Variants in SGCG observed in about 807,000 individuals in gnomAD.
SGCG encodes gamma-sarcoglycan.
In SGCG, 26 loss-of-function variants were observed where a neutral mutation model predicts 29.3. The observed-to-expected ratio is 0.89, with a 90% CI of 0.65 to 1.23. The LOEUF (loss-of-function observed/expected upper bound fraction) is 1.23. Ranked by LOEUF, SGCG falls within the 50% of genes most tolerant of loss-of-function variation. SGCG has a pLI of 0.00. For missense variants in SGCG, 353 were observed against 356.0 expected (o/e 0.99, Z 0.07); for synonymous variants, 145 against 129.7 (o/e 1.12, Z -0.80).
the SGCG span, among the ~76,000 whole-genome samples, chr13:23,168,745 A>G: frequency 2.6e-5 from 4 of 152,252 alleles, no homozygotes; most frequent in Admixed American, 1.3e-4. Context: ...CATACATGAC[A>G]GAGATAATCA....
chr13:23,234,647 C>T lies in SGCG; in HGVS notation c.232C>T (p.Leu78=). 1 of 1,611,980 alleles carries T rather than the reference C, an allele frequency of 6.2e-7. No homozygotes were observed. The highest frequency in any genetic ancestry group is 8.5e-7 in the Non-Finnish European group (1 of 1,178,984). The change falls in exon 3 of 8, where the codon CTG becomes TTG. Residue 78 remains leucine (L), a synonymous_variant. Coordinates refer to ENST00000218867, the MANE Select transcript of SGCG (RefSeq NM_000231.3). The stretch of plus-strand genomic sequence containing the variant: ...CCACTTGTGTGTAACAAAAGATGGA[C>T]TGCGCTTGGAAGGGGAATCAGAATT... The part of the protein sequence containing the change: ...MGHLCVTKDG[L]RLEGESEFLF...
Position 23,324,766 on chromosome 13 carries a change from T to G in SGCG, c.*225T>G. The stretch of plus-strand genomic sequence containing the variant: ...AAAAGTTGACAAAATGGAAAAGCAA[T>G]GTGTTTTTCCACTGGATTAATTTTC... On this transcript the variant is annotated 3_prime_UTR_variant, in exon 8 of 8. Transcript: ENST00000218867. The G allele has an allele frequency of 1.8e-6, 1 of 557,310 alleles. No individual in the cohort carries two copies. The highest frequency in any genetic ancestry group is 3.2e-6 in the Non-Finnish European group (1 of 308,918). 34.5% of individuals were successfully genotyped at this position (557,310 alleles called of 1,614,324 possible).
the SGCG span, among the ~76,000 whole-genome samples, chr13:23,164,609 A>G: frequency 6.6e-6 from 1 of 152,190 alleles, no homozygotes. Context: ...AGGGCTCAGA[A>G]AGCTTCCGTT....
intron 2 of SGCG, among the ~76,000 whole-genome samples, chr13:23,223,988 T>C (rs1878792132): frequency 6.6e-6 from 1 of 151,992 alleles, no homozygotes; most frequent in Non-Finnish European, 1.5e-5. Context: ...AAGAGGGAGA[T>C]TCAATCAAAG....
At chr13:23,300,601 C>A (rs1376313895) in intron 6 of SGCG, among the ~76,000 whole-genome samples, 1 of 152,000 alleles carries the variant, frequency 6.6e-6, no homozygotes. Flanking sequence ...GACCTGCAAG[C>A]CGTTGCCTGG....
At chr13:23,178,958 G>A (rs998718799), upstream of SGCG, among the ~76,000 whole-genome samples, 1 of 152,146 alleles carries the variant, frequency 6.6e-6, no homozygotes, top group Admixed American at 6.5e-5. Context: ...GAATGAGGGG[G>A]AAGCCAGAAA....
intron 2 of SGCG, among the ~76,000 whole-genome samples, chr13:23,221,674 C>A (rs754261891): frequency 1.3e-5 from 2 of 152,100 alleles, no homozygotes; most frequent in Non-Finnish European, 2.9e-5. Flanking sequence ...AGGCTCAAAC[C>A]TTTGTAGGGA....
the SGCG span, among the ~76,000 whole-genome samples, chr13:23,173,288 G>A: frequency 6.6e-6 from 1 of 152,140 alleles, no homozygotes; most frequent in Non-Finnish European, 1.5e-5. Flanking sequence ...ATGAAGCCAG[G>A]TCCCTAAAGA....
At chr13:23,291,678 A>G (rs1252222007) in intron 5 of SGCG, among the ~76,000 whole-genome samples, 1 of 152,194 alleles carries the variant, frequency 6.6e-6, no homozygotes, top group Non-Finnish European at 1.5e-5. Context: ...TACCATAATC[A>G]TATGTCAATA....
rs928247678 is a variant in SGCG at position 23,203,617 on chromosome 13, A to G, written c.1-78A>G. 24 of 972,154 alleles carry G rather than the reference A, an allele frequency of 2.5e-5. No individual in the cohort carries two copies. The African/African-American group carries it at 3.1e-4, about 12-fold the overall frequency. The allele number at this position is 972,154 out of a possible 1,614,324, so 60.2% of individuals were successfully genotyped here. Reference sequence around the variant, plus strand: ...AAATATGTTTTCAGGCTCATAGTAAATCAGTATTAAACAAGTTGCCTCCCT... The same window carrying G: ...AAATATGTTTTCAGGCTCATAGTAAGTCAGTATTAAACAAGTTGCCTCCCT... On this transcript the variant is annotated intron_variant, in intron 1 of 7. Transcript: ENST00000218867.
the SGCG span, among the ~76,000 whole-genome samples, chr13:23,167,037 C>G: frequency 0.11 from 16,558 of 152,240 alleles, 1,117 homozygotes; most frequent in Admixed American, 0.23. Flanking sequence ...ATCCAAACCC[C>G]TGCCCCTACT....
At chr13:23,254,958 T>A (rs1880120742) in intron 4 of SGCG, among the ~76,000 whole-genome samples, 1 of 152,222 alleles carries the variant, frequency 6.6e-6, no homozygotes, top group South Asian at 2.1e-4. Context: ...TCAGAAGACG[T>A]GTAGAAAAGC....
At position 23,234,593 on chromosome 13, in the gene SGCG, CTT is replaced by C. The variant is rs568365779; in HGVS notation, c.196-7_196-6del. On this transcript the variant is annotated splice_polypyrimidine_tract_variant and intron_variant, in intron 2 of 7. Transcript: ENST00000218867. ...AGCAATAAAAATATACGCATTGTCT[CTT>C]TTTTTTTTTTAACAGGCAGGAATGG... 1,027 of 1,230,254 alleles carry C rather than the reference CTT, an allele frequency of 8.3e-4. No individual in the cohort carries two copies. Among genetic ancestry groups the C allele is most frequent in the Non-Finnish European group, 9.7e-4 (843 of 871,090 alleles). The allele number at this position is 1,230,254 out of a possible 1,614,324, so 76.2% of individuals were successfully genotyped here. A position where few individuals can be genotyped will look rare whatever the true frequency, so the allele number is the denominator to read the frequency against.
At chr13:23,194,678 T>C (rs1467864685) in intron 1 of SGCG, among the ~76,000 whole-genome samples, 1 of 152,168 alleles carries the variant, frequency 6.6e-6, no homozygotes, top group Non-Finnish European at 1.5e-5. Flanking sequence ...GACTTCCTAA[T>C]GGTATTCACC....
intron 3 of SGCG, among the ~76,000 whole-genome samples, chr13:23,238,161 T>C (rs967024706): frequency 3.9e-5 from 6 of 152,260 alleles, no homozygotes; most frequent in South Asian, 4.1e-4. Flanking sequence ...GAAGAGAGTT[T>C]CCAGGCTGCA....
intron 5 of SGCG, among the ~76,000 whole-genome samples, chr13:23,287,740 TTTTGTTTG>T (rs60329567): frequency 1.4e-3 from 217 of 151,078 alleles, no homozygotes; most frequent in Non-Finnish European, 2.2e-3. Flanking sequence ...GACCAGGGTT[TTTTGTTTG>T]TTTGTTTGTT....
In SGCG at chr13:23,289,206, C is replaced by T. The variant is rs534122092; in HGVS notation, c.506-6209C>T. On this transcript the variant is annotated intron_variant, in intron 5 of 7. Coordinates refer to ENST00000218867, the MANE Select transcript of SGCG (RefSeq NM_000231.3). The stretch of plus-strand genomic sequence containing the variant: ...ACACTGTCTGATGCAGCACTGCACG[C>T]AGCGATCAACGCCGTGCTGCAGTCC... Among the ~76,000 whole-genome samples the T allele has an allele frequency of 5.9e-5, 9 of 152,314 alleles. No individual in the cohort carries two copies. In the South Asian group the frequency reaches 1.9e-3, roughly 32 times the overall value.
At chr13:23,215,814 C>T (rs980252026) in intron 2 of SGCG, among the ~76,000 whole-genome samples, 16 of 147,186 alleles carry the variant, frequency 1.1e-4, no homozygotes, top group African/African-American at 3.7e-4. Flanking sequence ...AAAAAAAAAA[C>T]TAAAACAAAG....
At chr13:23,284,455 C>CA (rs1881422411) in intron 5 of SGCG, among the ~76,000 whole-genome samples, 1 of 152,110 alleles carries the variant, frequency 6.6e-6, no homozygotes, top group Non-Finnish European at 1.5e-5. Context: ...TCAGCTCCAT[C>CA]AGGTCATTTA....
Sources: gnomAD v4.1 joint callset for allele counts (sites outside exome capture counted in the v4.1 genomes callset) on GRCh38, gnomAD v4.1.1 for gene constraint, MANE v1.5 for transcripts, NCBI Gene and HGNC (gene_info 2026-07-23, HGNC 2026-07-21) for gene names.